ARHGAP12: variants seen among roughly 807,000 people sequenced by gnomAD.
The protein encoded by ARHGAP12 is rho GTPase-activating protein 12.
Under a neutral mutation model 108.6 loss-of-function variants are expected in ARHGAP12, and 64 were observed. The observed-to-expected ratio is 0.59, with a 90% CI of 0.48 to 0.73. The LOEUF is 0.73. ARHGAP12 is among the 30% of genes least tolerant of loss of function. The pLI, the probability that ARHGAP12 is intolerant of heterozygous loss-of-function variation, is 0.00. For missense variants in ARHGAP12, 940 were observed against 1,005.9 expected (o/e 0.93, Z 0.89); for synonymous variants, 312 against 337.2 (o/e 0.93, Z 0.82).
chr10:31,911,414 A>G (rs1385302987), intron 1 of ARHGAP12, among the ~76,000 whole-genome samples: 2 of 152,166 alleles, frequency 1.3e-5, no homozygotes, highest in African/African-American at 4.8e-5. Context: ...TCCTGGGCTC[A>G]AGCAATTTTC....
intron 1 of ARHGAP12, among the ~76,000 whole-genome samples, chr10:31,925,798 T>C (rs1018184279): frequency 2.0e-5 from 3 of 152,234 alleles, no homozygotes; most frequent in Non-Finnish European, 4.4e-5. Flanking sequence ...ACTAGTCAAA[T>C]GTGCCTAATG....
intron 10 of ARHGAP12, among the ~76,000 whole-genome samples, chr10:31,829,796 A>G (rs1401697305): frequency 6.6e-6 from 1 of 152,244 alleles, no homozygotes; most frequent in African/African-American, 2.4e-5. Flanking sequence ...TCTTCACTAC[A>G]ACTAACCCTC....
intron 3 of ARHGAP12, among the ~76,000 whole-genome samples, chr10:31,889,585 T>C (rs1838328696): frequency 1.3e-5 from 2 of 150,722 alleles, no homozygotes; most frequent in African/African-American, 2.4e-5. Context: ...TTAATGAATC[T>C]AAGGATTTTG....
At chr10:31,867,122 T>G (rs1030283421) in intron 3 of ARHGAP12, among the ~76,000 whole-genome samples, 4 of 151,348 alleles carry the variant, frequency 2.6e-5, no homozygotes, top group African/African-American at 4.8e-5. Flanking sequence ...TTTTTTGTTT[T>G]TTTTTTTTTT....
chr10:31,812,381 CTTAT>C (rs1291909886), intron 15 of ARHGAP12, among the ~76,000 whole-genome samples: 3 of 151,922 alleles, frequency 2.0e-5, no homozygotes, highest in Non-Finnish European at 4.4e-5. Context: ...TTCAAAATTT[CTTAT>C]TTATTGTGAT....
chr10:31,844,591 T>C (rs1241084477), intron 6 of ARHGAP12, among the ~76,000 whole-genome samples: 1 of 152,028 alleles, frequency 6.6e-6, no homozygotes, highest in Non-Finnish European at 1.5e-5. Context: ...TGGAGCGCAG[T>C]GGCATGATCA....
In ARHGAP12 at chr10:31,861,465, C is replaced by A. The variant is rs1837111670; in HGVS notation, c.878G>T (p.Trp293Leu). 6.2e-7 allele frequency: 1 copy of A among 1,614,012 alleles called. No individual in the cohort carries two copies. The highest frequency in any genetic ancestry group is 8.5e-7 in the Non-Finnish European group (1 of 1,180,022). Reference protein sequence around the residue: ...YYNRGTQERTWKPPRWTRDAS... With the variant: ...YYNRGTQERTLKPPRWTRDAS... ...ATCCCGAGTCCAACGAGGAGGTTTC[C>A]AAGTTCTTTCCTGTGTCCCTCTGTT... The change falls in exon 4 of 20, where the codon TGG (tryptophan) becomes TTG (leucine). Residue 293 changes from tryptophan (W) to leucine (L), a missense_variant. Trp to Leu is a moderately conservative substitution (Grantham distance 61). Transcript: ENST00000344936.
rs200457588 is a variant in ARHGAP12, at chr10:31,809,222, A to T, written c.2128+8T>A. ...GCATCTGAATAACAACAGTAAATAT[A>T]ATCTTACCATGATTGACTGCAAACC... On this transcript the variant is annotated splice_region_variant and intron_variant, in intron 17 of 19. Transcript: ENST00000344936. 2 of 1,613,814 alleles carry T rather than the reference A, an allele frequency of 1.2e-6. No homozygotes were observed. Among genetic ancestry groups the T allele is most frequent in the Non-Finnish European group, 1.7e-6 (2 of 1,179,804 alleles).
chr10:31,837,023 A>G lies in ARHGAP12; in HGVS notation c.1386+2282T>C, dbSNP rs141389611. On this transcript the variant is annotated intron_variant, in intron 9 of 19. Transcript: ENST00000344936. ...CATCAGAGGGTACTGTGAGTCCGGC[A>G]TGGTCTAGCTGCTGTCAAACTTCAG... is the stretch of plus-strand genomic sequence containing the variant. 4.9e-3 allele frequency among the ~76,000 whole-genome samples: 746 copies of G among 152,272 alleles called. 5 individuals carry two copies. The highest frequency in any genetic ancestry group is 5.3e-3 in the Non-Finnish European group (358 of 67,998).
At chr10:31,816,734 A>G (rs140586883) in intron 13 of ARHGAP12, among the ~76,000 whole-genome samples, 1 of 152,308 alleles carries the variant, frequency 6.6e-6, no homozygotes, top group East Asian at 1.9e-4. Flanking sequence ...ATTAAGGATG[A>G]ATCAGTGATA....
At chr10:31,859,889 G>A (rs12253117) in intron 4 of ARHGAP12, among the ~76,000 whole-genome samples, 7,595 of 151,468 alleles carry the variant, frequency 0.05, 637 homozygotes, top group African/African-American at 0.17. Flanking sequence ...CCACCTCCCG[G>A]GTTCAAGCGA....
intron 13 of ARHGAP12, 57 bp downstream of exon 13, chr10:31,817,731 A>T: frequency 4.5e-6 from 5 of 1,104,184 alleles, no homozygotes; most frequent in Non-Finnish European, 6.5e-6. Flanking sequence ...TAAGCAATTA[A>T]AAAAAAAAAA....
intron 6 of ARHGAP12, among the ~76,000 whole-genome samples, chr10:31,846,681 C>T (rs1370278926): frequency 2.6e-5 from 4 of 152,106 alleles, no homozygotes; most frequent in Non-Finnish European, 5.9e-5. Context: ...ATTTTGAATA[C>T]AATGAGCCTG....
chr10:31,849,899 T>A (rs540851611), intron 6 of ARHGAP12, among the ~76,000 whole-genome samples: 1 of 152,208 alleles, frequency 6.6e-6, no homozygotes, highest in Admixed American at 6.5e-5. Flanking sequence ...ATAGGTTTCC[T>A]AATGCAGCCT....
chr10:31,855,265 A>G (rs959670757), intron 4 of ARHGAP12, among the ~76,000 whole-genome samples: 1 of 152,212 alleles, frequency 6.6e-6, no homozygotes, highest in East Asian at 1.9e-4. Context: ...TACTGACAAG[A>G]GGCACCATAA....
chr10:31,844,849 C>G (rs929471393), intron 6 of ARHGAP12, among the ~76,000 whole-genome samples: 1 of 152,102 alleles, frequency 6.6e-6, no homozygotes, highest in Non-Finnish European at 1.5e-5. Flanking sequence ...CAACGACTCC[C>G]TATTCAGGAA....
intron 11 of ARHGAP12, among the ~76,000 whole-genome samples, chr10:31,825,537 G>A (rs1365735481): frequency 6.6e-6 from 1 of 152,118 alleles, no homozygotes; most frequent in African/African-American, 2.4e-5. Context: ...CTGCCACTTG[G>A]TAGCTGTAAG....
chr10:31,822,951 C>T (rs1230760499), intron 11 of ARHGAP12, among the ~76,000 whole-genome samples: 1 of 151,966 alleles, frequency 6.6e-6, no homozygotes, highest in Admixed American at 6.6e-5. Flanking sequence ...AATTATCTAG[C>T]CCAAAAGAGT....
At chr10:31,854,939 G>A (rs1280856232) in intron 4 of ARHGAP12, among the ~76,000 whole-genome samples, 3 of 147,852 alleles carry the variant, frequency 2.0e-5, no homozygotes, top group Non-Finnish European at 4.5e-5. Flanking sequence ...AACCAGCTTG[G>A]GCAACATAGT....
Sources: allele counts gnomAD v4.1 joint callset (sites outside exome capture counted in the v4.1 genomes callset), GRCh38; gene constraint gnomAD v4.1.1; transcripts MANE v1.5; gene names NCBI Gene and HGNC (gene_info 2026-07-23, HGNC 2026-07-21).